The following CADPS variants were observed in gnomAD, a reference collection of about 807,000 sequenced individuals.
The protein encoded by CADPS is calcium dependent secretion activator.
A neutral mutation model predicts 167.3 loss-of-function variants in CADPS; 57 were observed. The ratio of observed to expected loss-of-function variants is 0.34; its 90% CI spans 0.28 to 0.42. The LOEUF (loss-of-function observed/expected upper bound fraction) is 0.42, where lower values mean the gene tolerates loss of function less well. Ranked by LOEUF, CADPS falls within the 20% of genes least tolerant of loss-of-function variation. CADPS has a pLI of 1.00. For missense variants in CADPS, 1,414 were observed against 1,738.1 expected (o/e 0.81, Z 3.32); for synonymous variants, 676 against 635.3 (o/e 1.06, Z -0.96).
chr3:62,752,421 T>C (rs184649614), intron 3 of CADPS, among the ~76,000 whole-genome samples: 3 of 152,332 alleles, frequency 2.0e-5, no homozygotes, highest in Admixed American at 6.5e-5. Flanking sequence ...TATGAAATGC[T>C]AAACAGACTC....
intron 26 of CADPS, among the ~76,000 whole-genome samples, chr3:62,451,804 G>A (rs2058092097): frequency 1.3e-5 from 2 of 152,244 alleles, no homozygotes; most frequent in South Asian, 4.1e-4. Flanking sequence ...CTGCTGCAAG[G>A]TTAATGATGC....
chr3:62,426,329 T>A (rs1232784727), intron 28 of CADPS, among the ~76,000 whole-genome samples: 1 of 152,134 alleles, frequency 6.6e-6, no homozygotes, highest in Admixed American at 6.5e-5. Flanking sequence ...TTTTGTATTT[T>A]TAGTAGAGAT....
At chr3:62,460,062 G>A (rs2059147999) in intron 26 of CADPS, among the ~76,000 whole-genome samples, 1 of 152,116 alleles carries the variant, frequency 6.6e-6, no homozygotes, top group Admixed American at 6.6e-5. Context: ...GTATATATGG[G>A]GAATAACATT....
chr3:62,541,742 T>A (rs867977577), intron 11 of CADPS, among the ~76,000 whole-genome samples: 2 of 152,280 alleles, frequency 1.3e-5, no homozygotes, highest in South Asian at 4.1e-4. Context: ...GTCATCTATG[T>A]TGTTCTTTGA....
intron 28 of CADPS, among the ~76,000 whole-genome samples, chr3:62,414,785 ACT>A (rs2049685253): frequency 6.6e-6 from 1 of 151,508 alleles, no homozygotes; most frequent in South Asian, 2.1e-4. Context: ...CCACATCAAA[ACT>A]CTTCTCGGGC....
intron 6 of CADPS, among the ~76,000 whole-genome samples, chr3:62,612,296 T>C (rs1385271415): frequency 6.6e-6 from 1 of 152,212 alleles, no homozygotes; most frequent in Non-Finnish European, 1.5e-5. Flanking sequence ...TGAGGTTAAA[T>C]GAAATAAAAC....
chr3:62,448,141 A>G (rs1560509448), intron 26 of CADPS, among the ~76,000 whole-genome samples: 1 of 152,160 alleles, frequency 6.6e-6, no homozygotes, highest in Non-Finnish European at 1.5e-5. Flanking sequence ...GGAACTCTTG[A>G]TCTCCTCAAT....
intron 6 of CADPS, among the ~76,000 whole-genome samples, chr3:62,642,916 A>ACAAAACAAAG (rs1554029510): frequency 5.6e-5 from 1 of 17,874 alleles, no homozygotes; most frequent in African/African-American, 1.9e-4. Context: ...ATCTCAAAAG[A>ACAAAACAAAG]CAAAACAAAA....
In CADPS at chr3:62,399,021, T is replaced by C. The variant is rs150428212; in HGVS notation, c.*385A>G. 132 of 158,834 alleles carry C rather than the reference T, an allele frequency of 8.3e-4. No homozygotes were observed. The Middle Eastern group carries it at 9.6e-3, about 12-fold the overall frequency. 9.8% of individuals were successfully genotyped at this position (158,834 alleles called of 1,614,324 possible). A position where few individuals can be genotyped will look rare whatever the true frequency, so the allele number is the denominator to read the frequency against. On this transcript the variant is annotated 3_prime_UTR_variant, in exon 30 of 30. Transcript: ENST00000383710. This position sits in a 1 kb window ranked among gnomAD's most constrained non-coding sequence, Gnocchi z 5.6. ...CTCATTTAATTAACTGGCATCCACATACGTGAAACAGAGTGAATGTACTTG... is the reference window on the plus strand; with the variant it reads ...CTCATTTAATTAACTGGCATCCACACACGTGAAACAGAGTGAATGTACTTG...
At chr3:62,582,666 T>C (rs1177064030) in intron 8 of CADPS, among the ~76,000 whole-genome samples, 3 of 152,198 alleles carry the variant, frequency 2.0e-5, no homozygotes, top group Admixed American at 2.0e-4. Flanking sequence ...ATGGTGTTAT[T>C]AAGGCACTCA....
At chr3:62,647,791 G>T (rs574118330) in intron 5 of CADPS, among the ~76,000 whole-genome samples, 3 of 152,148 alleles carry the variant, frequency 2.0e-5, no homozygotes, top group Non-Finnish European at 4.4e-5. Context: ...GTGTAATCAC[G>T]TGCAGGTTTC....
chr3:62,776,066 G>C (rs577534430), intron 1 of CADPS, among the ~76,000 whole-genome samples: 2 of 152,210 alleles, frequency 1.3e-5, no homozygotes, highest in African/African-American at 4.8e-5. Context: ...ATAATGTCTT[G>C]GCATTACTAG....
chr3:62,457,338 T>C (rs1194340502), intron 26 of CADPS, among the ~76,000 whole-genome samples: 1 of 152,032 alleles, frequency 6.6e-6, no homozygotes, highest in African/African-American at 2.4e-5. Flanking sequence ...ACTGGAAAAA[T>C]AAGAAACCCC....
At position 62,420,612 on chromosome 3, in the gene CADPS, A is replaced by G. The variant is rs1297123151; in HGVS notation, c.3778-17427T>C. ...CCTAGGAGGGAATATTTGGGTGTCC[A>G]TAGCAACTGCCCAATTAAGGGAGTC... On this transcript the variant is annotated intron_variant, in intron 28 of 29. Transcript: ENST00000383710. This position sits in a 1 kb window ranked among gnomAD's most constrained non-coding sequence, Gnocchi z 4.1. 6.6e-6 allele frequency among the ~76,000 whole-genome samples: 1 copy of G among 152,188 alleles called. No homozygotes were observed. The highest frequency in any genetic ancestry group is 1.5e-5 in the Non-Finnish European group (1 of 68,034).
intron 1 of CADPS, among the ~76,000 whole-genome samples, chr3:62,794,783 A>T (rs2152758817): frequency 7.0e-6 from 1 of 143,752 alleles, no homozygotes; most frequent in East Asian, 2.0e-4. Flanking sequence ...GGTGGTAAAA[A>T]AAAAAAAAAA....
intron 27 of CADPS, among the ~76,000 whole-genome samples, chr3:62,443,921 C>T (rs145295677): frequency 6.6e-6 from 1 of 152,306 alleles, no homozygotes; most frequent in Non-Finnish European, 1.5e-5. Context: ...ATAGAGTCCA[C>T]TTACTGCCCT....
intron 28 of CADPS, among the ~76,000 whole-genome samples, chr3:62,430,315 A>G (rs1424181821): frequency 2.6e-5 from 4 of 152,190 alleles, no homozygotes; most frequent in Non-Finnish European, 5.9e-5. Flanking sequence ...TGTGAAGCCC[A>G]TGGGGGAAGA....
intron 28 of CADPS, among the ~76,000 whole-genome samples, chr3:62,426,560 C>T (rs1053611631): frequency 3.9e-5 from 6 of 152,194 alleles, no homozygotes; most frequent in African/African-American, 7.2e-5. Context: ...TTAGAGGCAT[C>T]GCCTCATTTA....
At chr3:62,863,565 A>G (rs2081185919) in intron 1 of CADPS, among the ~76,000 whole-genome samples, 1 of 152,208 alleles carries the variant, frequency 6.6e-6, no homozygotes, top group Non-Finnish European at 1.5e-5. Context: ...AGCAATGGAC[A>G]GCACAGGGAT....
Sources: allele counts gnomAD v4.1 joint callset (sites outside exome capture counted in the v4.1 genomes callset), GRCh38; gene constraint gnomAD v4.1.1; non-coding constraint Gnocchi (gnomAD v3.1); transcripts MANE v1.5; gene names NCBI Gene and HGNC (gene_info 2026-07-23, HGNC 2026-07-21).